LIMS1: variants seen among roughly 807,000 people sequenced by gnomAD.
LIMS1 encodes the protein LIM zinc finger domain containing 1, also known as LIM and senescent cell antigen-like-containing domain protein 1.
LIMS1 carries 18 observed loss-of-function variants against 44.1 expected under a neutral mutation model. The ratio of observed to expected loss-of-function variants is 0.41; its 90% CI spans 0.28 to 0.61. The LOEUF (loss-of-function observed/expected upper bound fraction) is 0.61. Among genes scored for constraint, LIMS1 ranks in the 20% least tolerant of loss-of-function variants. LIMS1 has a pLI of 0.32. For missense variants in LIMS1, 201 were observed against 422.0 expected (o/e 0.48, Z 4.59); for synonymous variants, 93 against 149.1 (o/e 0.62, Z 2.74).
chr2:108,600,410 T>C (rs1329664905), intron 1 of LIMS1, among the ~76,000 whole-genome samples: 19 of 152,138 alleles, frequency 1.2e-4, no homozygotes, highest in Admixed American at 1.2e-3. Context: ...TGGTTGCCTG[T>C]GCTTGTGGGG....
At position 108,660,405 on chromosome 2, in the gene LIMS1, A is replaced by G. The variant is rs142227157; in HGVS notation, c.192+641A>G. 5.7e-3 allele frequency: 2,542 copies of G among 442,670 alleles called. 22 individuals carry two copies. The highest frequency in any genetic ancestry group is 0.015 in the East Asian group (210 of 14,302). The allele number at this position is 442,670 out of a possible 1,614,324, so 27.4% of individuals were successfully genotyped here. On this transcript the variant is annotated intron_variant, in intron 2 of 9. Coordinates refer to ENST00000544547, the Ensembl canonical transcript of LIMS1. Reference sequence around the variant, plus strand: ...TTGTAGTGTATTTGGTATTTTCAACATTACCGAAACCCCTTTCTTGTTGTT... The same window carrying G: ...TTGTAGTGTATTTGGTATTTTCAACGTTACCGAAACCCCTTTCTTGTTGTT...
chr2:108,568,962 G>T (rs927052616), intron 1 of LIMS1, among the ~76,000 whole-genome samples: 1 of 152,034 alleles, frequency 6.6e-6, no homozygotes, highest in Admixed American at 6.5e-5. Context: ...CACAATCTCA[G>T]CTCACTGCAA....
At chr2:108,541,329 T>G (rs999926925) in intron 1 of LIMS1, among the ~76,000 whole-genome samples, 1 of 152,212 alleles carries the variant, frequency 6.6e-6, no homozygotes, top group African/African-American at 2.4e-5. Context: ...CATTTTAAAA[T>G]TTGCCTTGTT....
intron 1 of LIMS1, among the ~76,000 whole-genome samples, chr2:108,615,669 G>T (rs1687891259): frequency 6.6e-6 from 1 of 152,154 alleles, no homozygotes; most frequent in African/African-American, 2.4e-5. Context: ...AATGTGCAGA[G>T]CCTGCCCATG....
chr2:108,560,383 C>A (rs1685070705), intron 1 of LIMS1, among the ~76,000 whole-genome samples: 1 of 152,072 alleles, frequency 6.6e-6, no homozygotes, highest in African/African-American at 2.4e-5. Context: ...TGTTTGGCCC[C>A]CTGCTGCCCT....
At chr2:108,576,457 G>A (rs896932143) in intron 1 of LIMS1, among the ~76,000 whole-genome samples, 1 of 152,176 alleles carries the variant, frequency 6.6e-6, no homozygotes, top group Non-Finnish European at 1.5e-5. Flanking sequence ...CTGGAGTGCA[G>A]TGGCATGATC....
intron 2 of LIMS1, chr2:108,662,594 T>G (rs1353262156): frequency 9.4e-7 from 1 of 1,069,180 alleles, no homozygotes; most frequent in African/African-American, 1.6e-5. Context: ...AACCTGCATC[T>G]GGAGAATAAG....
At chr2:108,576,174 C>T (rs188272277) in intron 1 of LIMS1, among the ~76,000 whole-genome samples, 2 of 152,242 alleles carry the variant, frequency 1.3e-5, no homozygotes, top group East Asian at 1.9e-4. Flanking sequence ...CTTGACTGAA[C>T]GAGAGCTAAT....
At chr2:108,681,330 C>T (rs758650086) in intron 9 of LIMS1, 84 of 984,658 alleles carry the variant, frequency 8.5e-5, no homozygotes, top group Admixed American at 1.8e-4. Context: ...TAAATGAATA[C>T]ACTCCATACT....
chr2:108,654,023 G>A (rs1335067361), intron 1 of LIMS1, among the ~76,000 whole-genome samples: 1 of 118,546 alleles, frequency 8.4e-6, no homozygotes, highest in African/African-American at 2.7e-5. Flanking sequence ...GCCTCAAAGG[G>A]ATGACTTTGA....
At chr2:108,535,539 AT>A (rs1684103986) in intron 1 of LIMS1, among the ~76,000 whole-genome samples, 1 of 152,162 alleles carries the variant, frequency 6.6e-6, no homozygotes, top group Admixed American at 6.5e-5. Context: ...GTAACACCAT[AT>A]ATTTGTCGTT....
intron 1 of LIMS1, among the ~76,000 whole-genome samples, chr2:108,570,779 C>T (rs1400869687): frequency 6.6e-6 from 1 of 152,122 alleles, no homozygotes; most frequent in Non-Finnish European, 1.5e-5. Flanking sequence ...GAGCAGCGAC[C>T]TTGAGGAAGA....
chr2:108,605,762 T>A (rs1558805825), intron 1 of LIMS1, among the ~76,000 whole-genome samples: 1 of 152,140 alleles, frequency 6.6e-6, no homozygotes, highest in Non-Finnish European at 1.5e-5. Context: ...TAGACTACAG[T>A]GAGGGACCCA....
chr2:108,591,158 C>T (rs564355852), intron 1 of LIMS1, among the ~76,000 whole-genome samples: 1 of 152,240 alleles, frequency 6.6e-6, no homozygotes, highest in East Asian at 1.9e-4. Flanking sequence ...AGCAAGATAG[C>T]AATACCATAC....
chr2:108,551,383 G>A (rs1352687260), intron 1 of LIMS1, among the ~76,000 whole-genome samples: 1 of 143,968 alleles, frequency 6.9e-6, no homozygotes, highest in Non-Finnish European at 1.5e-5. Flanking sequence ...ATATATAACT[G>A]TATATTTTAT....
intron 1 of LIMS1, among the ~76,000 whole-genome samples, chr2:108,583,235 G>T (rs1483759833): frequency 1.3e-5 from 2 of 149,296 alleles, no homozygotes; most frequent in Admixed American, 6.7e-5. Flanking sequence ...GTAGAGAGGG[G>T]TCTCACCATG....
chr2:108,677,062 AC>A (rs1271641387), intron 7 of LIMS1: 2 of 194,928 alleles, frequency 1.0e-5, no homozygotes, highest in East Asian at 2.8e-4. Flanking sequence ...GGACTCTCTA[AC>A]ATAATTGTAG....
chr2:108,535,385 C>T (rs1289004084), intron 1 of LIMS1, among the ~76,000 whole-genome samples: 1 of 152,200 alleles, frequency 6.6e-6, no homozygotes, highest in Non-Finnish European at 1.5e-5. Flanking sequence ...CTACTGTCAG[C>T]GGACTTTTCA....
intron 1 of LIMS1, among the ~76,000 whole-genome samples, chr2:108,561,044 C>T (rs971422833): frequency 3.3e-5 from 5 of 152,092 alleles, no homozygotes; most frequent in African/African-American, 4.8e-5. Context: ...CCCAGTAGCT[C>T]AGTGAAAAAA....
Sources: gnomAD v4.1 joint callset for allele counts (sites outside exome capture counted in the v4.1 genomes callset) on GRCh38, gnomAD v4.1.1 for gene constraint, MANE v1.5 for transcripts, NCBI Gene and HGNC (gene_info 2026-07-23, HGNC 2026-07-21) for gene names.